The following SNX6 variants were observed in gnomAD, a reference collection of about 807,000 sequenced individuals.
SNX6 encodes the protein sorting nexin 6.
Under a neutral mutation model 63.0 loss-of-function variants are expected in SNX6, and 34 were observed. The observed-to-expected ratio is 0.54, with a 90% CI of 0.41 to 0.72. The LOEUF is 0.72. Among genes scored for constraint, SNX6 ranks in the 30% least tolerant of loss-of-function variants. The pLI, the probability that SNX6 is intolerant of heterozygous loss-of-function variation, is 0.00. For missense variants in SNX6, 398 were observed against 471.4 expected, an observed-to-expected ratio of 0.84 and a Z score of 1.44; for synonymous variants, 170 against 164.2, an observed-to-expected ratio of 1.04 and a Z score of -0.27.
intron 6 of SNX6, among the ~76,000 whole-genome samples, chr14:34,602,585 T>A (rs1181329172): frequency 1.5e-5 from 1 of 67,000 alleles, no homozygotes; most frequent in Non-Finnish European, 3.1e-5. Context: ...AGCAAGACTC[T>A]GTCTCAAAAA....
chr14:34,625,315 A>G (rs1883785599), intron 2 of SNX6, among the ~76,000 whole-genome samples: 2 of 152,208 alleles, frequency 1.3e-5, no homozygotes. Context: ...GGACAAACAC[A>G]ATGTAAGGAA....
At chr14:34,618,700 C>T (rs1883516208) in intron 2 of SNX6, among the ~76,000 whole-genome samples, 1 of 152,028 alleles carries the variant, frequency 6.6e-6, no homozygotes, top group African/African-American at 2.4e-5. Flanking sequence ...GTCTTTGCAA[C>T]CGCTGGTTCC....
intron 11 of SNX6, among the ~76,000 whole-genome samples, chr14:34,570,199 C>A (rs572782533): frequency 1.6e-3 from 238 of 151,682 alleles, no homozygotes; most frequent in Non-Finnish European, 3.0e-3. Context: ...CTCCAGAGTA[C>A]CTTGAGATTA....
chr14:34,587,613 T>C (rs1882227593), intron 8 of SNX6, among the ~76,000 whole-genome samples: 1 of 146,612 alleles, frequency 6.8e-6, no homozygotes, highest in South Asian at 2.2e-4. Context: ...CTAGACTCCA[T>C]CTCAAAACAA....
At chr14:34,623,994 G>A (rs1190033506) in intron 2 of SNX6, among the ~76,000 whole-genome samples, 2 of 152,194 alleles carry the variant, frequency 1.3e-5, no homozygotes, top group East Asian at 1.9e-4. Flanking sequence ...TTATTTGGGG[G>A]AGGAAAAACC....
At chr14:34,589,418 T>C (rs1173561480) in intron 8 of SNX6, among the ~76,000 whole-genome samples, 1 of 152,038 alleles carries the variant, frequency 6.6e-6, no homozygotes, top group Non-Finnish European at 1.5e-5. Context: ...CGCCACTCAC[T>C]CCAGCCTGGG....
chr14:34,593,199 T>A (rs1300657168), intron 7 of SNX6, 49 bp from the exon 8 acceptor site: 7 of 1,131,956 alleles, frequency 6.2e-6, no homozygotes, highest in Non-Finnish European at 8.9e-6. Context: ...TTTGCTTTAG[T>A]TTTATATGTA....
rs770324184 is a variant in SNX6 at position 34,567,362 on chromosome 14, C to G, written c.1167+324G>C. On this transcript the variant is annotated intron_variant, in intron 13 of 13. Coordinates refer to ENST00000362031, the MANE Select transcript of SNX6 (RefSeq NM_152233.4). Reference sequence around the variant, plus strand: ...ATTACCCAGGTGTGGTGGCACATACCTGTAATCCCAGCTACTAAGGAGGCT... The same window carrying G: ...ATTACCCAGGTGTGGTGGCACATACGTGTAATCCCAGCTACTAAGGAGGCT... Among the ~76,000 whole-genome samples the G allele has an allele frequency of 3.3e-5, 5 of 152,076 alleles. No individual in the cohort carries two copies. In the South Asian group the frequency reaches 6.2e-4, roughly 19 times the overall value.
intron 11 of SNX6, among the ~76,000 whole-genome samples, chr14:34,570,995 T>C (rs941874088): frequency 2.0e-5 from 3 of 151,182 alleles, no homozygotes; most frequent in African/African-American, 7.3e-5. Context: ...AGTACTGGGA[T>C]TACAGACGTC....
chr14:34,608,078 G>C lies in SNX6; in HGVS notation c.222C>G (p.Ile74Met), dbSNP rs1883089465. 3.7e-6 allele frequency: 6 copies of C among 1,610,452 alleles called. No homozygotes were observed. The highest frequency in any genetic ancestry group is 4.2e-6 in the Non-Finnish European group (5 of 1,177,624). The change falls in exon 4 of 14, where the codon ATC (isoleucine) becomes ATG (methionine). Residue 74 changes from isoleucine (I) to methionine (M), a missense_variant. Coordinates refer to ENST00000362031, the MANE Select transcript of SNX6 (RefSeq NM_152233.4). ...FSVVRQHEEF[I>M]WLHDSFVENE... Reference sequence around the variant, plus strand: ...TTTCAACAAAGGAATCATGAAGCCAGATAAATTCCTCATGTTGCCGAACAA... The same window carrying C: ...TTTCAACAAAGGAATCATGAAGCCACATAAATTCCTCATGTTGCCGAACAA...
intron 10 of SNX6, among the ~76,000 whole-genome samples, chr14:34,576,322 T>C (rs1157260743): frequency 6.6e-6 from 1 of 152,058 alleles, no homozygotes; most frequent in East Asian, 1.9e-4. Context: ...TCCTATTTTA[T>C]TGAGCTTTCC....
At chr14:34,572,087 G>A (rs1285957268) in intron 11 of SNX6, among the ~76,000 whole-genome samples, 1 of 47,140 alleles carries the variant, frequency 2.1e-5, no homozygotes, top group Non-Finnish European at 4.5e-5. Context: ...CCAAGGAAGT[G>A]CACCACATTC....
chr14:34,609,553 T>C, intron 3 of SNX6, 85 bp downstream of exon 3: 1 of 636,394 alleles, frequency 1.6e-6, no homozygotes, highest in Non-Finnish European at 2.6e-6. Context: ...TTTCCAATTA[T>C]GTTTAAAACC....
chr14:34,567,074 A>G (rs1012205814), intron 13 of SNX6, among the ~76,000 whole-genome samples: 1 of 150,290 alleles, frequency 6.7e-6, no homozygotes, highest in Non-Finnish European at 1.5e-5. Context: ...AAATACAAAA[A>G]TTAGCTGGGT....
chr14:34,572,626 G>T (rs1353293507), intron 11 of SNX6, among the ~76,000 whole-genome samples: 1 of 152,042 alleles, frequency 6.6e-6, no homozygotes, highest in Admixed American at 6.6e-5. Flanking sequence ...CATTGAATTT[G>T]CATTATCTGA....
chr14:34,595,589 T>C (rs1346784880), intron 7 of SNX6, among the ~76,000 whole-genome samples: 1 of 152,146 alleles, frequency 6.6e-6, no homozygotes, highest in Non-Finnish European at 1.5e-5. Flanking sequence ...ATCAACATAG[T>C]GGTTTACATT....
intron 8 of SNX6, among the ~76,000 whole-genome samples, chr14:34,587,532 C>CAAAAAAAA (rs34380966): frequency 1.6e-4 from 9 of 57,806 alleles, no homozygotes; most frequent in African/African-American, 5.1e-4. Flanking sequence ...GACTCCATCT[C>CAAAAAAAA]AAAAAAAAAA....
At chr14:34,589,988 C>T (rs563066710) in intron 8 of SNX6, among the ~76,000 whole-genome samples, 65 of 152,174 alleles carry the variant, frequency 4.3e-4, no homozygotes, top group African/African-American at 1.5e-3. Flanking sequence ...CGCATGGTGG[C>T]GCATGCCTGT....
At chr14:34,625,887 G>A (rs1226020775) in intron 2 of SNX6, among the ~76,000 whole-genome samples, 1 of 151,990 alleles carries the variant, frequency 6.6e-6, no homozygotes, top group African/African-American at 2.4e-5. Context: ...CTTTCATTTT[G>A]ATTTTCAAAT....
Sources: gnomAD v4.1 joint callset for allele counts (sites outside exome capture counted in the v4.1 genomes callset) on GRCh38, gnomAD v4.1.1 for gene constraint, MANE v1.5 for transcripts, NCBI Gene and HGNC (gene_info 2026-07-23, HGNC 2026-07-21) for gene names.